PRKCZ: variants seen among roughly 807,000 people sequenced by gnomAD.
PRKCZ encodes protein kinase C zeta.
A neutral mutation model predicts 79.5 loss-of-function variants in PRKCZ; 33 were observed. That is an observed-to-expected ratio of 0.41 (90% confidence interval 0.31 to 0.55). PRKCZ has a LOEUF of 0.55. PRKCZ is among the 20% of genes least tolerant of loss of function. The pLI, the probability that PRKCZ is intolerant of heterozygous loss-of-function variation, is 0.19. For synonymous variants in PRKCZ, 342 were observed against 320.9 expected (o/e 1.07, Z -0.70); for missense variants, 578 against 813.5 (o/e 0.71, Z 3.52).
intron 4 of PRKCZ, among the ~76,000 whole-genome samples, chr1:2,092,858 A>G (rs1397510864): frequency 6.6e-6 from 1 of 152,204 alleles, no homozygotes; most frequent in Non-Finnish European, 1.5e-5. Context: ...AGGGCCTCAG[A>G]TCACCACACA....
intron 11 of PRKCZ, 128 bp from the exon 12 acceptor site, chr1:2,171,926 CT>C (rs1252362756): frequency 1.9e-4 from 227 of 1,200,942 alleles, no homozygotes; most frequent in Non-Finnish European, 2.4e-4. Context: ...CTTTCAAATC[CT>C]GGGCCTGGTC....
At chr1:2,129,242 G>C (rs906988537) in intron 4 of PRKCZ, among the ~76,000 whole-genome samples, 10 of 152,190 alleles carry the variant, frequency 6.6e-5, no homozygotes, top group African/African-American at 2.4e-4. Flanking sequence ...GAAAAGGTGG[G>C]AATGTGGATT....
chr1:2,171,813 C>T (rs1684493629), intron 11 of PRKCZ, among the ~76,000 whole-genome samples: 1 of 152,206 alleles, frequency 6.6e-6, no homozygotes, highest in African/African-American at 2.4e-5. Context: ...GTGGAGGCTG[C>T]CACATCGTTC....
intron 4 of PRKCZ, among the ~76,000 whole-genome samples, chr1:2,087,262 T>C (rs911080574): frequency 6.6e-6 from 1 of 152,114 alleles, no homozygotes; most frequent in African/African-American, 2.4e-5. Flanking sequence ...TTTGTGTTTT[T>C]AGTAGAGACG....
chr1:2,091,629 G>A (rs1244364167), intron 4 of PRKCZ, among the ~76,000 whole-genome samples: 15 of 152,154 alleles, frequency 9.9e-5, no homozygotes, highest in Non-Finnish European at 2.1e-4. Flanking sequence ...AGCCTCTCAC[G>A]CCTGTGGCCG....
At chr1:2,102,605 T>TACA (rs921789448) in intron 4 of PRKCZ, among the ~76,000 whole-genome samples, 17 of 152,222 alleles carry the variant, frequency 1.1e-4, no homozygotes, top group African/African-American at 4.1e-4. Context: ...GTGCTAGGAT[T>TACA]ACAGGTGTGA....
intron 4 of PRKCZ, among the ~76,000 whole-genome samples, chr1:2,076,861 G>A (rs193268074): frequency 2.2e-3 from 337 of 152,260 alleles, no homozygotes; most frequent in African/African-American, 7.4e-3. Context: ...TACAGGAGAC[G>A]CTGTGGCAGA....
At chr1:2,105,625 C>T (rs977519892) in intron 4 of PRKCZ, among the ~76,000 whole-genome samples, 2 of 152,218 alleles carry the variant, frequency 1.3e-5, no homozygotes, top group African/African-American at 4.8e-5. Context: ...GTCTCAAACT[C>T]CTGACCTCAA....
At chr1:2,093,913 G>T (rs1404968177) in intron 4 of PRKCZ, among the ~76,000 whole-genome samples, 1 of 152,114 alleles carries the variant, frequency 6.6e-6, no homozygotes, top group African/African-American at 2.4e-5. Flanking sequence ...TGCAGCCCTT[G>T]GCCGGGCACT....
At chr1:2,064,447 G>A (rs1213629534) in intron 4 of PRKCZ, among the ~76,000 whole-genome samples, 1 of 152,134 alleles carries the variant, frequency 6.6e-6, no homozygotes, top group Non-Finnish European at 1.5e-5. Flanking sequence ...CTGCCAAATC[G>A]AATGTTGTGA....
chr1:2,063,019 G>A (rs1363567835), intron 4 of PRKCZ, among the ~76,000 whole-genome samples: 1 of 151,904 alleles, frequency 6.6e-6, no homozygotes, highest in Non-Finnish European at 1.5e-5. Flanking sequence ...GAGTGGAATC[G>A]CACAGGATCT....
intron 10 of PRKCZ, 66 bp from the exon 11 acceptor site, chr1:2,169,452 G>C (rs1415028450): frequency 7.1e-7 from 1 of 1,408,960 alleles, no homozygotes; most frequent in Admixed American, 2.0e-5. Context: ...CTTCTGTGGG[G>C]CTTCTGTCTA....
intron 10 of PRKCZ, among the ~76,000 whole-genome samples, chr1:2,164,613 C>T (rs566935924): frequency 2.6e-4 from 39 of 152,292 alleles, no homozygotes; most frequent in South Asian, 1.9e-3. Flanking sequence ...GAATGGATGC[C>T]GAGGCAGCCT....
At chr1:2,050,184 CG>C (rs958025733), upstream of PRKCZ, 12 of 152,192 alleles carry the variant, frequency 7.9e-5, no homozygotes, top group Admixed American at 5.2e-4. Flanking sequence ...GGCAGAGCCG[CG>C]CCGCGCGCGG....
intron 5 of PRKCZ, among the ~76,000 whole-genome samples, chr1:2,138,982 GA>G (rs1037370585): frequency 6.6e-6 from 1 of 150,510 alleles, no homozygotes; most frequent in African/African-American, 2.4e-5. Context: ...ACCGGGCAGT[GA>G]GGACCAGAGG....
At chr1:2,068,184 G>A (rs952264228) in intron 4 of PRKCZ, among the ~76,000 whole-genome samples, 4 of 152,346 alleles carry the variant, frequency 2.6e-5, no homozygotes, top group East Asian at 1.9e-4. Context: ...GCCACAGCCC[G>A]GCCCTGGTAA....
chr1:2,157,686 A>G (rs925950282), intron 10 of PRKCZ, among the ~76,000 whole-genome samples: 2 of 148,476 alleles, frequency 1.3e-5, no homozygotes, highest in East Asian at 4.0e-4. Context: ...GATTACAGGC[A>G]TGAGTGACTG....
intron 4 of PRKCZ, among the ~76,000 whole-genome samples, chr1:2,063,075 C>T (rs901122788): frequency 2.6e-5 from 4 of 152,124 alleles, no homozygotes; most frequent in Non-Finnish European, 5.9e-5. Context: ...GTCCTCAAGG[C>T]GCAGCCATGC....
At chr1:2,171,717 G>A (rs1684468106) in intron 11 of PRKCZ, 3 of 254,140 alleles carry the variant, frequency 1.2e-5, no homozygotes, top group South Asian at 1.3e-4. Context: ...CAGCAGCGGC[G>A]CTGTTCTGCA....
Sources: allele counts gnomAD v4.1 joint callset (sites outside exome capture counted in the v4.1 genomes callset), GRCh38; gene constraint gnomAD v4.1.1; transcripts MANE v1.5; gene names NCBI Gene and HGNC (gene_info 2026-07-23, HGNC 2026-07-21).